Variants in GRIA1 observed in about 807,000 individuals in gnomAD.
GRIA1 encodes glutamate receptor 1.
GRIA1 carries 31 observed loss-of-function variants against 99.2 expected under a neutral mutation model. The observed-to-expected ratio is 0.31, with a 90% confidence interval of 0.23 to 0.42. The LOEUF is 0.42. Among genes scored for constraint, GRIA1 ranks in the 10% least tolerant of loss-of-function variants. GRIA1 has a pLI of 1.00. For synonymous variants in GRIA1, 438 were observed against 432.4 expected (o/e 1.01, Z -0.16); for missense variants, 782 against 1,157.5 (o/e 0.68, Z 4.71).
chr5:153,599,389 T>TA lies in GRIA1; in HGVS notation c.221-47538dup, dbSNP rs1414922727. Among the ~76,000 whole-genome samples, 10 of 152,292 alleles carry TA rather than the reference T, an allele frequency of 6.6e-5. No homozygotes were observed. The South Asian group carries it at 2.1e-3, about 32-fold the overall frequency. ...AGATCACAATCTTGCTGATGGCACT[T>TA]AGACAGTACAGCAATCCCTTGATAT... is the stretch of plus-strand genomic sequence containing the variant. On this transcript the variant is annotated intron_variant, in intron 2 of 15. Transcript: ENST00000285900.
chr5:153,601,791 T>C (rs1281720989), intron 2 of GRIA1, among the ~76,000 whole-genome samples: 1 of 152,228 alleles, frequency 6.6e-6, no homozygotes, highest in East Asian at 1.9e-4. Flanking sequence ...TAGAGAGTCC[T>C]AATGCAGATT....
chr5:153,500,605 T>TCACACACA (rs1561588602), intron 2 of GRIA1, among the ~76,000 whole-genome samples: 1 of 105,328 alleles, frequency 9.5e-6, no homozygotes, highest in East Asian at 3.1e-4. Flanking sequence ...TCTCCCCCTC[T>TCACACACA]TACATACACA....
At chr5:153,568,249 C>T (rs1761825290) in intron 2 of GRIA1, among the ~76,000 whole-genome samples, 3 of 152,202 alleles carry the variant, frequency 2.0e-5, no homozygotes, top group South Asian at 2.1e-4. Flanking sequence ...TAGTACTTAG[C>T]ATTTGGCATG....
intron 2 of GRIA1, among the ~76,000 whole-genome samples, chr5:153,500,402 C>T (rs1319529816): frequency 6.6e-6 from 1 of 152,150 alleles, no homozygotes; most frequent in African/African-American, 2.4e-5. Flanking sequence ...ACTGAATCTA[C>T]ACGTGGCCTC....
At chr5:153,798,439 T>A (rs1432038234) in intron 14 of GRIA1, among the ~76,000 whole-genome samples, 1 of 152,240 alleles carries the variant, frequency 6.6e-6, no homozygotes, top group African/African-American at 2.4e-5. Context: ...GGAGGGCACG[T>A]AGGCTTCCCC....
intron 2 of GRIA1, among the ~76,000 whole-genome samples, chr5:153,501,615 G>C (rs1755019693): frequency 6.6e-6 from 1 of 152,224 alleles, no homozygotes; most frequent in Non-Finnish European, 1.5e-5. Context: ...TCAGATGCTT[G>C]ATAGTACTTT....
chr5:153,556,366 C>A (rs1474830264), intron 2 of GRIA1, among the ~76,000 whole-genome samples: 1 of 152,148 alleles, frequency 6.6e-6, no homozygotes, highest in Non-Finnish European at 1.5e-5. Context: ...TAATATGTCT[C>A]CTAGCTCCCA....
intron 2 of GRIA1, among the ~76,000 whole-genome samples, chr5:153,546,358 C>T (rs1759617551): frequency 6.6e-6 from 1 of 152,102 alleles, no homozygotes; most frequent in Non-Finnish European, 1.5e-5. Context: ...GCACCTGGAG[C>T]TTTACATTTT....
chr5:153,729,331 A>G (rs1760835155), intron 11 of GRIA1, among the ~76,000 whole-genome samples: 1 of 152,006 alleles, frequency 6.6e-6, no homozygotes, highest in Non-Finnish European at 1.5e-5. Context: ...ACATGTATAC[A>G]TATGTAACTA....
intron 4 of GRIA1, among the ~76,000 whole-genome samples, chr5:153,651,983 G>A (rs1416285418): frequency 1.3e-5 from 2 of 152,028 alleles, no homozygotes; most frequent in Non-Finnish European, 2.9e-5. Context: ...CTGTAAAATG[G>A]GCATCATCAT....
rs556203941 is a variant in GRIA1 at position 153,768,496 on chromosome 5, A to G, written c.2023-1672A>G. ...GTGTCCTTTCTAGATTGTAAACCGGACTGTAAAACGAGTGATATAGTTTAT... is the reference window on the plus strand; with the variant it reads ...GTGTCCTTTCTAGATTGTAAACCGGGCTGTAAAACGAGTGATATAGTTTAT... On this transcript the variant is annotated intron_variant, in intron 12 of 15. Transcript: ENST00000285900. Among the ~76,000 whole-genome samples, 4 of 152,176 alleles carry G rather than the reference A, an allele frequency of 2.6e-5. No individual in the cohort carries two copies. In the South Asian group the frequency reaches 6.2e-4, roughly 24 times the overall value.
rs1217464497 is a variant in GRIA1, at chr5:153,757,730, A to T, written c.1824-6704A>T. Reference sequence around the variant, plus strand: ...GCTATTTGTCAGAATTGAAGGAGACATAAAGACTTTCCTGGACAAATGAAA... The same window carrying T: ...GCTATTTGTCAGAATTGAAGGAGACTTAAAGACTTTCCTGGACAAATGAAA... On this transcript the variant is annotated intron_variant, in intron 11 of 15. Transcript: ENST00000285900. 2.0e-5 allele frequency among the ~76,000 whole-genome samples: 3 copies of T among 152,292 alleles called. No homozygotes were observed. In the East Asian group the frequency reaches 5.8e-4, roughly 29 times the overall value.
At position 153,647,020 on chromosome 5, in the gene GRIA1, C is replaced by T. The variant is rs867665568; in HGVS notation, c.313C>T (p.His105Tyr). The T allele has an allele frequency of 6.2e-7, 1 of 1,613,960 alleles. No individual in the cohort carries two copies. Among genetic ancestry groups the T allele is most frequent in the Admixed American group, 1.7e-5 (1 of 60,004 alleles). The change falls in exon 3 of 16, where the codon CAC becomes TAC. Residue 105 changes from histidine to tyrosine, a missense_variant. Physicochemically the swap from His to Tyr is moderately conservative, Grantham distance 83. This residue lies in a region of GRIA1 where 461 missense variants were observed against 521.7 expected (regional missense o/e 0.88). Coordinates refer to ENST00000285900, the MANE Select transcript of GRIA1 (RefSeq NM_000827.4). ...NMLTSFCGAL[H>Y]VCFITPSFPV... ...GCTGACCTCCTTTTGTGGGGCCCTC[C>T]ACGTCTGCTTCATTACGCCGAGCTT...
chr5:153,636,468 C>CTCAT (rs2149441614), intron 2 of GRIA1, among the ~76,000 whole-genome samples: 1 of 152,254 alleles, frequency 6.6e-6, no homozygotes, highest in Admixed American at 6.5e-5. Context: ...AATATGTAAA[C>CTCAT]TCATTTGTTT....
At chr5:153,730,387 A>C (rs1268214654) in intron 11 of GRIA1, among the ~76,000 whole-genome samples, 3 of 152,108 alleles carry the variant, frequency 2.0e-5, no homozygotes, top group African/African-American at 7.2e-5. Flanking sequence ...GAATAAGTAA[A>C]TGAATAAATA....
rs1038880711 is a variant in GRIA1 at position 153,811,904 on chromosome 5, A to C, written c.*679A>C. On this transcript the variant is annotated 3_prime_UTR_variant, in exon 16 of 16. Transcript: ENST00000285900. ...TATTCAGTGGAGAACACAGGTGAAA[A>C]GCAACTCAGGATGAGGGTGGTGGAG... 1 of 152,518 alleles carries C rather than the reference A, an allele frequency of 6.6e-6. No individual in the cohort carries two copies. Among genetic ancestry groups the C allele is most frequent in the African/African-American group, 2.4e-5 (1 of 41,436 alleles). The allele number at this position is 152,518 out of a possible 1,614,324, so 9.4% of individuals were successfully genotyped here. A position where few individuals can be genotyped will look rare whatever the true frequency, so the allele number is the denominator to read the frequency against.
chr5:153,678,169 T>A (rs975547411), intron 7 of GRIA1, among the ~76,000 whole-genome samples: 9 of 152,176 alleles, frequency 5.9e-5, no homozygotes, highest in African/African-American at 2.2e-4. Context: ...CAGCAGAAGA[T>A]GAATTTGGGC....
At chr5:153,778,123 G>A (rs971967272) in intron 13 of GRIA1, among the ~76,000 whole-genome samples, 17 of 151,906 alleles carry the variant, frequency 1.1e-4, no homozygotes, top group African/African-American at 3.6e-4. Flanking sequence ...AGGGAGGTTG[G>A]GAGTGAGGGA....
At chr5:153,585,296 TCTC>T (rs1163645684) in intron 2 of GRIA1, among the ~76,000 whole-genome samples, 4 of 126,234 alleles carry the variant, frequency 3.2e-5, no homozygotes, top group African/African-American at 8.7e-5. Flanking sequence ...TCTTTCTCTC[TCTC>T]TTTTTTTTTT....
Sources: gnomAD v4.1 joint callset for allele counts (sites outside exome capture counted in the v4.1 genomes callset) on GRCh38, gnomAD v4.1.1 for gene constraint, gnomAD v4.1.1 regional missense constraint, MANE v1.5 for transcripts, NCBI Gene and HGNC (gene_info 2026-07-23, HGNC 2026-07-21) for gene names.